Variants in PDE1A observed in about 807,000 individuals in gnomAD.
The protein encoded by PDE1A is phosphodiesterase 1A.
PDE1A carries 35 observed loss-of-function variants against 61.7 expected under a neutral mutation model. The observed-to-expected ratio is 0.57, with a 90% CI of 0.43 to 0.75. The LOEUF is 0.75. PDE1A is among the 30% of genes least tolerant of loss of function. The pLI is 0.00. For synonymous variants in PDE1A, 232 were observed against 213.2 expected, an observed-to-expected ratio of 1.09 and a Z score of -0.77; for missense variants, 597 against 630.6, an observed-to-expected ratio of 0.95 and a Z score of 0.57.
the PDE1A span, among the ~76,000 whole-genome samples, chr2:182,661,605 C>T: frequency 5.7e-4 from 87 of 152,014 alleles, no homozygotes; most frequent in African/African-American, 1.8e-3. Context: ...AAATATGGAA[C>T]GGCTGGAAAC....
At chr2:182,595,469 T>C in the PDE1A span, among the ~76,000 whole-genome samples, 1 of 152,202 alleles carries the variant, frequency 6.6e-6, no homozygotes, top group Non-Finnish European at 1.5e-5. Flanking sequence ...ACATTACACG[T>C]CACATTAACT....
chr2:182,221,179 A>T, intron 7 of PDE1A, among the ~76,000 whole-genome samples: 1 of 151,712 alleles, frequency 6.6e-6, no homozygotes, highest in Non-Finnish European at 1.5e-5. Flanking sequence ...CTCTTCATCC[A>T]CTTGCAGATG....
At chr2:182,670,294 G>A in the PDE1A span, among the ~76,000 whole-genome samples, 27 of 152,270 alleles carry the variant, frequency 1.8e-4, no homozygotes, top group Admixed American at 1.4e-3. Flanking sequence ...TGTTTTACAA[G>A]GACTAGTATT....
intron 1 of PDE1A, among the ~76,000 whole-genome samples, chr2:182,424,146 T>A (rs941468132): frequency 2.6e-5 from 4 of 152,080 alleles, no homozygotes; most frequent in African/African-American, 9.7e-5. Flanking sequence ...GGTTTCACCA[T>A]GTTGCCCAGG....
chr2:182,576,836 G>A, the PDE1A span, among the ~76,000 whole-genome samples: 61 of 152,172 alleles, frequency 4.0e-4, no homozygotes, highest in African/African-American at 1.4e-3. Flanking sequence ...GACTTCAATC[G>A]ACATTTCTGT....
intron 10 of PDE1A, among the ~76,000 whole-genome samples, chr2:182,189,750 A>G (rs1244870035): frequency 6.6e-6 from 1 of 152,202 alleles, no homozygotes; most frequent in Non-Finnish European, 1.5e-5. Flanking sequence ...TTAAATTTTC[A>G]TCTTCTAAAA....
At chr2:182,634,287 A>G in the PDE1A span, among the ~76,000 whole-genome samples, 1 of 152,178 alleles carries the variant, frequency 6.6e-6, no homozygotes, top group African/African-American at 2.4e-5. Context: ...AACATCTCCA[A>G]GTATGGGGAC....
At chr2:182,328,777 A>G (rs889461449) in intron 1 of PDE1A, among the ~76,000 whole-genome samples, 7 of 152,196 alleles carry the variant, frequency 4.6e-5, no homozygotes, top group Non-Finnish European at 8.8e-5. Flanking sequence ...ACTTCTAGAG[A>G]CTGTGACAAT....
intron 13 of PDE1A, among the ~76,000 whole-genome samples, chr2:182,159,784 A>G (rs1275303554): frequency 6.6e-6 from 1 of 152,102 alleles, no homozygotes; most frequent in Non-Finnish European, 1.5e-5. Flanking sequence ...GTGAGACCAC[A>G]TCTCTACAAA....
chr2:182,327,728 A>G (rs1235414754), intron 1 of PDE1A, among the ~76,000 whole-genome samples: 2 of 152,174 alleles, frequency 1.3e-5, no homozygotes, highest in Non-Finnish European at 2.9e-5. Context: ...TGGGTTTGAG[A>G]AGTATGGAGG....
intron 1 of PDE1A, among the ~76,000 whole-genome samples, chr2:182,362,662 G>C (rs902518526): frequency 2.6e-5 from 4 of 151,888 alleles, no homozygotes; most frequent in African/African-American, 9.7e-5. Context: ...AGACAATGTA[G>C]TGATTCCTCA....
At chr2:182,247,134 G>A (rs1194255262) in intron 2 of PDE1A, among the ~76,000 whole-genome samples, 1 of 151,940 alleles carries the variant, frequency 6.6e-6, no homozygotes, top group Non-Finnish European at 1.5e-5. Context: ...TTTAGATTAA[G>A]TTGTTCCTGA....
intron 1 of PDE1A, among the ~76,000 whole-genome samples, chr2:182,359,248 T>C (rs1478335778): frequency 6.6e-6 from 1 of 151,976 alleles, no homozygotes; most frequent in Non-Finnish European, 1.5e-5. Context: ...CAGAATCCAT[T>C]TGAAGCAAAA....
chr2:182,491,493 G>A (rs1688391995), intron 2 of PDE1A, among the ~76,000 whole-genome samples: 2 of 152,154 alleles, frequency 1.3e-5, no homozygotes, highest in Admixed American at 1.3e-4. Flanking sequence ...TAGTTGAGGT[G>A]CTACAAGGAC....
At chr2:182,524,370 A>G (rs1328922597), upstream of PDE1A, among the ~76,000 whole-genome samples, 1 of 152,226 alleles carries the variant, frequency 6.6e-6, no homozygotes, top group Non-Finnish European at 1.5e-5. Flanking sequence ...ATGAAATGTC[A>G]AGACCTCACA....
intron 2 of PDE1A, among the ~76,000 whole-genome samples, chr2:182,457,124 C>A (rs1021357941): frequency 1.3e-5 from 2 of 151,940 alleles, no homozygotes; most frequent in Non-Finnish European, 1.5e-5. Flanking sequence ...CGTTTCCAGG[C>A]GAGGTGTGCT....
chr2:182,326,978 T>C (rs1360061803), intron 1 of PDE1A, among the ~76,000 whole-genome samples: 1 of 152,232 alleles, frequency 6.6e-6, no homozygotes, highest in East Asian at 1.9e-4. Context: ...CAGACTATTT[T>C]GAGTAAACAT....
In PDE1A at chr2:182,327,391, A is replaced by G. The variant is rs554953872; in HGVS notation, c.54-62977T>C. 1.3e-4 allele frequency among the ~76,000 whole-genome samples: 20 copies of G among 152,340 alleles called. No homozygotes were observed. The South Asian group carries it at 1.9e-3, about 14-fold the overall frequency. On this transcript the variant is annotated intron_variant, in intron 1 of 13. Coordinates refer to ENST00000351439, the Ensembl canonical transcript of PDE1A. The stretch of plus-strand genomic sequence containing the variant: ...AGAGAAAAATTTATTTTCAGAAGTC[A>G]ATTAAATCCCTCAAATAGGAATATG...
chr2:182,447,905 A>T (rs1559472483), intron 2 of PDE1A, among the ~76,000 whole-genome samples: 1 of 152,120 alleles, frequency 6.6e-6, no homozygotes, highest in Non-Finnish European at 1.5e-5. Context: ...ATAGCCTGTC[A>T]TATGGATGTT....
Sources: allele counts gnomAD v4.1 joint callset (sites outside exome capture counted in the v4.1 genomes callset), GRCh38; gene constraint gnomAD v4.1.1; transcripts MANE v1.5; gene names NCBI Gene and HGNC (gene_info 2026-07-23, HGNC 2026-07-21).